UBAC2: variants seen among roughly 807,000 people sequenced by gnomAD.
UBAC2 encodes ubiquitin-associated domain-containing protein 2.
Under a neutral mutation model 44.0 loss-of-function variants are expected in UBAC2, and 26 were observed. The observed-to-expected ratio is 0.59, with a 90% confidence interval of 0.43 to 0.82. The LOEUF is 0.82. UBAC2 is among the 40% of genes least tolerant of loss of function. The pLI is 0.00. For missense variants in UBAC2, 329 were observed against 419.4 expected (o/e 0.78, Z 1.88); for synonymous variants, 155 against 154.3 (o/e 1.00, Z -0.04).
intron 7 of UBAC2, among the ~76,000 whole-genome samples, chr13:99,355,482 G>A (rs2045164608): frequency 6.6e-6 from 1 of 152,184 alleles, no homozygotes; most frequent in African/African-American, 2.4e-5. Context: ...CTCTTCCTGC[G>A]CTGATGTCCC....
At chr13:99,284,540 T>G (rs1325077801) in intron 4 of UBAC2, among the ~76,000 whole-genome samples, 1 of 152,254 alleles carries the variant, frequency 6.6e-6, no homozygotes, top group Non-Finnish European at 1.5e-5. Context: ...GTATTTTTTC[T>G]GAATCATTTG....
At chr13:99,348,946 A>T (rs2045034981) in intron 7 of UBAC2, among the ~76,000 whole-genome samples, 1 of 152,216 alleles carries the variant, frequency 6.6e-6, no homozygotes, top group Non-Finnish European at 1.5e-5. Flanking sequence ...CCTGGAGGTC[A>T]AGGTGCAATC....
At chr13:99,337,180 C>T (rs2044801282) in intron 6 of UBAC2, among the ~76,000 whole-genome samples, 2 of 152,194 alleles carry the variant, frequency 1.3e-5, no homozygotes, top group Non-Finnish European at 2.9e-5. Context: ...TTGGCATTTA[C>T]ATTCCAACAA....
intron 1 of UBAC2, among the ~76,000 whole-genome samples, chr13:99,216,347 C>T (rs1443289171): frequency 4.6e-5 from 7 of 152,096 alleles, no homozygotes; most frequent in East Asian, 1.9e-4. Flanking sequence ...TCAGGTGATC[C>T]GCTCACCTTG....
chr13:99,341,461 C>G (rs532557928), intron 7 of UBAC2, among the ~76,000 whole-genome samples: 1 of 151,962 alleles, frequency 6.6e-6, no homozygotes, highest in African/African-American at 2.4e-5. Flanking sequence ...GCAGAGTCTA[C>G]AAGAGAAATA....
intron 7 of UBAC2, among the ~76,000 whole-genome samples, chr13:99,346,687 G>A (rs1354839694): frequency 6.6e-6 from 1 of 150,586 alleles, no homozygotes; most frequent in Non-Finnish European, 1.5e-5. Flanking sequence ...GACAAATATC[G>A]CCTCCTCAGG....
intron 4 of UBAC2, among the ~76,000 whole-genome samples, chr13:99,299,475 C>CAG (rs899342122): frequency 6.6e-6 from 1 of 152,050 alleles, no homozygotes; most frequent in Non-Finnish European, 1.5e-5. Flanking sequence ...CACACACACA[C>CAG]AGAAAGATGT....
At chr13:99,286,703 C>T (rs1287017695) in intron 4 of UBAC2, among the ~76,000 whole-genome samples, 2 of 152,090 alleles carry the variant, frequency 1.3e-5, no homozygotes, top group East Asian at 1.9e-4. Flanking sequence ...TTCCTATCTT[C>T]GTGTCCATGT....
intron 7 of UBAC2, among the ~76,000 whole-genome samples, chr13:99,341,235 G>A (rs560019676): frequency 5.9e-5 from 9 of 152,168 alleles, no homozygotes; most frequent in African/African-American, 1.4e-4. Flanking sequence ...CCCATTTTTC[G>A]CCTCCACCTT....
chr13:99,319,946 G>A (rs542695291), intron 6 of UBAC2, among the ~76,000 whole-genome samples: 8 of 152,184 alleles, frequency 5.3e-5, no homozygotes, highest in Non-Finnish European at 8.8e-5. Context: ...TCACTTAGCA[G>A]TAATGGTTTT....
At position 99,318,002 on chromosome 13, in the gene UBAC2, CTTT is replaced by C; in HGVS notation, c.514-12_514-10del. ...GCAGTTGAATTTTATTTTTAGTTGC[CTTT>C]TTTTTTTCTTTTATAGCTTTTCACC... is the stretch of plus-strand genomic sequence containing the variant. On this transcript the variant is annotated splice_polypyrimidine_tract_variant and intron_variant, in intron 5 of 8. Coordinates refer to ENST00000403766, the MANE Select transcript of UBAC2 (RefSeq NM_001144072.2). The C allele has an allele frequency of 7.1e-7, 1 of 1,412,122 alleles. No individual in the cohort carries two copies. 87.5% of individuals were successfully genotyped at this position (1,412,122 alleles called of 1,614,324 possible).
chr13:99,287,937 T>C (rs1341317686), intron 4 of UBAC2, among the ~76,000 whole-genome samples: 3 of 152,200 alleles, frequency 2.0e-5, no homozygotes, highest in Non-Finnish European at 4.4e-5. Context: ...TATGATATGC[T>C]AAAACATACT....
intron 1 of UBAC2, among the ~76,000 whole-genome samples, chr13:99,232,422 T>TATATA (rs1566458503): frequency 1.8e-5 from 1 of 56,468 alleles, no homozygotes; most frequent in Admixed American, 1.7e-4. Flanking sequence ...ATATATATAT[T>TATATA]CACACACACA....
intron 1 of UBAC2, among the ~76,000 whole-genome samples, chr13:99,209,244 G>T (rs1227432830): frequency 1.3e-5 from 2 of 152,186 alleles, no homozygotes. Context: ...TGTACTCACA[G>T]CCCCTCAAGG....
intron 8 of UBAC2, among the ~76,000 whole-genome samples, chr13:99,381,090 A>G (rs1484427908): frequency 6.6e-6 from 1 of 152,246 alleles, no homozygotes; most frequent in East Asian, 1.9e-4. Context: ...TCTCGTGTAC[A>G]TAGAAAGCTT....
chr13:99,371,543 G>A (rs1306019179), intron 8 of UBAC2, among the ~76,000 whole-genome samples: 2 of 152,074 alleles, frequency 1.3e-5, no homozygotes, highest in African/African-American at 4.8e-5. Context: ...AATTTATATT[G>A]TATAATCTCT....
intron 7 of UBAC2, among the ~76,000 whole-genome samples, chr13:99,356,416 G>T (rs1164866127): frequency 1.3e-5 from 2 of 152,226 alleles, no homozygotes; most frequent in Non-Finnish European, 1.5e-5. Flanking sequence ...TAAGCCAAAA[G>T]GTTCTCAAAA....
At chr13:99,373,420 G>T (rs772443312) in intron 8 of UBAC2, among the ~76,000 whole-genome samples, 1 of 152,162 alleles carries the variant, frequency 6.6e-6, no homozygotes. Context: ...GCAAATTTCA[G>T]CTTCCTCTCT....
chr13:99,344,790 G>A (rs1380502507), intron 7 of UBAC2, among the ~76,000 whole-genome samples: 1 of 152,200 alleles, frequency 6.6e-6, no homozygotes, highest in Non-Finnish European at 1.5e-5. Flanking sequence ...GGCTCTGGGG[G>A]CACAGTTAGA....
Sources: allele counts gnomAD v4.1 joint callset (sites outside exome capture counted in the v4.1 genomes callset), GRCh38; gene constraint gnomAD v4.1.1; transcripts MANE v1.5; gene names NCBI Gene and HGNC (gene_info 2026-07-23, HGNC 2026-07-21).